APPBP2: variants seen among roughly 807,000 people sequenced by gnomAD.
APPBP2 encodes amyloid beta precursor protein binding protein 2, also known as amyloid protein-binding protein 2.
Under a neutral mutation model 76.0 loss-of-function variants are expected in APPBP2, and 15 were observed. The observed-to-expected ratio is 0.20, with a 90% CI of 0.13 to 0.30. The LOEUF is 0.30. Among genes scored for constraint, APPBP2 ranks in the 10% least tolerant of loss-of-function variants. The pLI is 1.00. For synonymous variants in APPBP2, 222 were observed against 242.2 expected, an observed-to-expected ratio of 0.92 and a Z score of 0.77; for missense variants, 401 against 687.2, an observed-to-expected ratio of 0.58 and a Z score of 4.66.
chr17:60,499,498 A>T (rs943215894), intron 2 of APPBP2, among the ~76,000 whole-genome samples: 1 of 152,184 alleles, frequency 6.6e-6, no homozygotes. Flanking sequence ...ACATAGTCAA[A>T]CTAAGTCTCT....
rs761457618 is a variant in APPBP2 at position 60,456,398 on chromosome 17, TAC to T, written c.1062-19_1062-18del. The T allele has an allele frequency of 6.8e-7, 1 of 1,465,568 alleles. No homozygotes were observed. Among genetic ancestry groups the T allele is most frequent in the East Asian group, 2.3e-5 (1 of 44,058 alleles). 90.8% of individuals were successfully genotyped at this position (1,465,568 alleles called of 1,614,324 possible). ...GCATGAAATCTGTAATACAGATAGA[TAC>T]AGTCTGGCATTTCTTTTTAGTTACA... is the stretch of plus-strand genomic sequence containing the variant. On this transcript the variant is annotated intron_variant, in intron 9 of 12. Transcript: ENST00000083182.
intron 12 of APPBP2, among the ~76,000 whole-genome samples, 173 bp from the exon 13 acceptor site, chr17:60,448,007 G>A (rs1393447792): frequency 6.6e-6 from 1 of 152,152 alleles, no homozygotes; most frequent in African/African-American, 2.4e-5. Flanking sequence ...TCCCAACCAT[G>A]AGCTATCACT....
At chr17:60,465,632 G>A (rs765044772) in intron 5 of APPBP2, among the ~76,000 whole-genome samples, 2 of 152,104 alleles carry the variant, frequency 1.3e-5, no homozygotes, top group Non-Finnish European at 2.9e-5. Context: ...ACTTCAGGAG[G>A]CCAAGGTAGA....
At chr17:60,513,997 T>TAAAAAAAAAAA (rs35785295) in intron 1 of APPBP2, among the ~76,000 whole-genome samples, 3 of 108,578 alleles carry the variant, frequency 2.8e-5, no homozygotes, top group Non-Finnish European at 3.8e-5. Context: ...TTCCCCACAT[T>TAAAAAAAAAAA]AAAAAAAAAA....
chr17:60,463,587 C>T (rs1479562971), intron 6 of APPBP2, among the ~76,000 whole-genome samples: 1 of 152,180 alleles, frequency 6.6e-6, no homozygotes, highest in Non-Finnish European at 1.5e-5. Context: ...TAGCAAGCTG[C>T]CTTGCTGTGA....
rs2143520016 is a variant in APPBP2, at chr17:60,526,039, A to G, written c.-108T>C. On this transcript the variant is annotated 5_prime_UTR_variant, in exon 1 of 13. Coordinates refer to ENST00000083182, the MANE Select transcript of APPBP2 (RefSeq NM_006380.5). Reference sequence around the variant, plus strand: ...CCGGAGGATTCGGAGGGGCGGTGGCAGCCACGCGGGCGCACGGCAGAAGGC... The same window carrying G: ...CCGGAGGATTCGGAGGGGCGGTGGCGGCCACGCGGGCGCACGGCAGAAGGC... 8.5e-7 allele frequency: 1 copy of G among 1,177,510 alleles called. No individual in the cohort carries two copies. The highest frequency in any genetic ancestry group is 1.5e-5 in the South Asian group (1 of 64,646). 72.9% of individuals were successfully genotyped at this position (1,177,510 alleles called of 1,614,324 possible). A position where few individuals can be genotyped will look rare whatever the true frequency, so the allele number is the denominator to read the frequency against.
rs1471135558 is a variant in APPBP2 at position 60,444,964 on chromosome 17, T to C, written c.*2617A>G. On this transcript the variant is annotated 3_prime_UTR_variant, in exon 13 of 13. Transcript: ENST00000083182. ...AAAAAGTTTGCGCAAGTTAACTTAT[T>C]GTGAGATAAATTTTATTATTTTCTT... 3 of 152,220 alleles carry C rather than the reference T, an allele frequency of 2.0e-5. No homozygotes were observed. The highest frequency in any genetic ancestry group is 6.5e-5 in the Admixed American group (1 of 15,280). The allele number at this position is 152,220 out of a possible 1,614,324, so 9.4% of individuals were successfully genotyped here. A position where few individuals can be genotyped will look rare whatever the true frequency, so the allele number is the denominator to read the frequency against.
intron 1 of APPBP2, among the ~76,000 whole-genome samples, chr17:60,525,498 G>C (rs535973833): frequency 6.6e-6 from 1 of 152,302 alleles, no homozygotes; most frequent in Admixed American, 6.5e-5. Context: ...GGTGGGACAG[G>C]GGCGCGATAG....
intron 12 of APPBP2, 62 bp from the exon 13 acceptor site, chr17:60,447,896 CTA>C: frequency 6.9e-7 from 1 of 1,443,792 alleles, no homozygotes; most frequent in Non-Finnish European, 9.3e-7. Flanking sequence ...CAAGCAATTT[CTA>C]TAACATGAAC....
chr17:60,497,518 GAATA>G (rs2090786321), intron 2 of APPBP2, among the ~76,000 whole-genome samples: 2 of 152,088 alleles, frequency 1.3e-5, no homozygotes, highest in Admixed American at 6.5e-5. Context: ...GTAACACAAA[GAATA>G]AATGCTTGAG....
At chr17:60,511,796 C>T (rs2090915769) in intron 1 of APPBP2, among the ~76,000 whole-genome samples, 1 of 152,098 alleles carries the variant, frequency 6.6e-6, no homozygotes, top group African/African-American at 2.4e-5. Flanking sequence ...CATAATGGCA[C>T]ACTTCTTTCC....
intron 1 of APPBP2, among the ~76,000 whole-genome samples, chr17:60,510,993 T>C (rs1478801979): frequency 6.6e-6 from 1 of 152,192 alleles, no homozygotes; most frequent in Non-Finnish European, 1.5e-5. Context: ...TTATGTGTAT[T>C]TACCCAGATG....
intron 5 of APPBP2, among the ~76,000 whole-genome samples, chr17:60,465,883 T>A (rs2090507252): frequency 6.6e-6 from 1 of 152,202 alleles, no homozygotes; most frequent in African/African-American, 2.4e-5. Flanking sequence ...TCACTCAGGC[T>A]GGAGTACAGT....
intron 1 of APPBP2, among the ~76,000 whole-genome samples, chr17:60,509,775 G>C (rs1243733026): frequency 6.6e-6 from 1 of 152,048 alleles, no homozygotes; most frequent in African/African-American, 2.4e-5. Context: ...CTCCAGCCTG[G>C]GCAACAACAG....
intron 1 of APPBP2, among the ~76,000 whole-genome samples, chr17:60,518,213 T>G (rs2090978234): frequency 6.6e-6 from 1 of 152,072 alleles, no homozygotes; most frequent in Non-Finnish European, 1.5e-5. Flanking sequence ...CCTAGCTTAT[T>G]TTTTATTGTT....
rs1262671970 is a variant in APPBP2, at chr17:60,446,738, G to A, written c.*843C>T. ...ATTTGGTATCTATTACATAATTTTT[G>A]CATTATCCTTTTTCATTATACATCT... On this transcript the variant is annotated 3_prime_UTR_variant, in exon 13 of 13. Transcript: ENST00000083182. 1 of 152,080 alleles carries A rather than the reference G, an allele frequency of 6.6e-6. No individual in the cohort carries two copies. Among genetic ancestry groups the A allele is most frequent in the Non-Finnish European group, 1.5e-5 (1 of 68,004 alleles). The allele number at this position is 152,080 out of a possible 1,614,324, so 9.4% of individuals were successfully genotyped here. A position where few individuals can be genotyped will look rare whatever the true frequency, so the allele number is the denominator to read the frequency against.
intron 11 of APPBP2, among the ~76,000 whole-genome samples, chr17:60,452,674 A>G (rs758177791): frequency 2.0e-4 from 30 of 152,178 alleles, no homozygotes; most frequent in Non-Finnish European, 4.0e-4. Context: ...TAATCCCAAC[A>G]GTTTGGGAGG....
chr17:60,525,751 G>A (rs942889755), intron 1 of APPBP2, 43 bp downstream of exon 1: 8 of 1,611,382 alleles, frequency 5.0e-6, no homozygotes, highest in Non-Finnish European at 6.8e-6. Flanking sequence ...TGCGGCCCCC[G>A]GGGTTGCTGG....
At chr17:60,456,252 T>C (rs747768216) in intron 10 of APPBP2, 44 bp downstream of exon 10, 13 of 1,260,426 alleles carry the variant, frequency 1.0e-5, no homozygotes, top group African/African-American at 3.0e-5. Context: ...TTATACCATA[T>C]ATCATCTATT....
Sources: gnomAD v4.1 joint callset for allele counts (sites outside exome capture counted in the v4.1 genomes callset) on GRCh38, gnomAD v4.1.1 for gene constraint, MANE v1.5 for transcripts, NCBI Gene and HGNC (gene_info 2026-07-23, HGNC 2026-07-21) for gene names.